Variants in WWP2 observed in about 807,000 individuals in gnomAD.
The protein encoded by WWP2 is WW domain containing E3 ubiquitin protein ligase 2.
In WWP2, 57 loss-of-function variants were observed where a neutral mutation model predicts 121.0. The ratio of observed to expected loss-of-function variants is 0.47; its 90% CI spans 0.38 to 0.59. The LOEUF (loss-of-function observed/expected upper bound fraction) is 0.59. Among genes scored for constraint, WWP2 ranks in the 20% least tolerant of loss-of-function variants. The pLI, the probability that WWP2 is intolerant of heterozygous loss-of-function variation, is 0.00. For missense variants in WWP2, 962 were observed against 1,158.9 expected (o/e 0.83, Z 2.47); for synonymous variants, 449 against 441.3 (o/e 1.02, Z -0.22).
chr16:69,938,296 G>C (rs1427472749), intron 21 of WWP2, among the ~76,000 whole-genome samples: 1 of 152,046 alleles, frequency 6.6e-6, no homozygotes, highest in South Asian at 2.1e-4. Flanking sequence ...TTACAGGCGT[G>C]AGCCACTGTG....
chr16:69,935,426 G>A lies in WWP2; in HGVS notation c.1843-427G>A, dbSNP rs1046445508. On this transcript the variant is annotated intron_variant, in intron 17 of 23. Transcript: ENST00000359154. This position sits in a 1 kb window ranked among gnomAD's most constrained non-coding sequence, Gnocchi z 5.2. ...TTGGCCGCCAGCTCTCGCTGTCGGC[G>A]GTGTCTGCATTATTTTTGGCTGCCT... 2.6e-5 allele frequency among the ~76,000 whole-genome samples: 4 copies of A among 152,224 alleles called. No homozygotes were observed. Among genetic ancestry groups the A allele is most frequent in the African/African-American group, 4.8e-5 (2 of 41,474 alleles).
In WWP2 at chr16:69,913,986, C is replaced by T. The variant is rs1393534094; in HGVS notation, c.1005-3723C>T. On this transcript the variant is annotated intron_variant, in intron 9 of 23. Coordinates refer to ENST00000359154, the MANE Select transcript of WWP2 (RefSeq NM_001270454.2). ...ACTCGCGAGGCTGAGGAAGGAGAAT[C>T]GCTTGAACCTGGGAGGCAGAGGTTG... Among the ~76,000 whole-genome samples, 5 of 140,864 alleles carry T rather than the reference C, an allele frequency of 3.5e-5. No individual in the cohort carries two copies. In the East Asian group the frequency reaches 9.3e-4, roughly 26 times the overall value. 92.4% of individuals were successfully genotyped at this position (140,864 alleles called of 152,430 possible).
At chr16:69,815,616 G>A (rs888276906) in intron 4 of WWP2, among the ~76,000 whole-genome samples, 3 of 151,648 alleles carry the variant, frequency 2.0e-5, no homozygotes, top group Admixed American at 6.6e-5. Flanking sequence ...TGAAACCCCC[G>A]TCTCTACTAA....
intron 4 of WWP2, among the ~76,000 whole-genome samples, chr16:69,803,356 G>A (rs1555547489): frequency 6.8e-6 from 1 of 147,170 alleles, no homozygotes; most frequent in Admixed American, 6.7e-5. Flanking sequence ...TTTTACTTTG[G>A]AACATTTACA....
At chr16:69,813,090 A>G (rs1462150433) in intron 4 of WWP2, among the ~76,000 whole-genome samples, 1 of 151,786 alleles carries the variant, frequency 6.6e-6, no homozygotes, top group Non-Finnish European at 1.5e-5. Flanking sequence ...GCGTGTGTGT[A>G]GGTATGTATT....
chr16:69,805,839 G>C (rs1319212004), intron 4 of WWP2, among the ~76,000 whole-genome samples: 1 of 145,498 alleles, frequency 6.9e-6, no homozygotes, highest in Middle Eastern at 3.2e-3. Flanking sequence ...TGTTGACTTT[G>C]TATCAAATAT....
At chr16:69,801,554 T>G (rs974982911) in intron 4 of WWP2, among the ~76,000 whole-genome samples, 5 of 151,252 alleles carry the variant, frequency 3.3e-5, no homozygotes, top group Non-Finnish European at 7.4e-5. Flanking sequence ...ATTTTTAGAT[T>G]GAGATGGGAT....
At position 69,935,058 on chromosome 16, in the gene WWP2, C is replaced by T. The variant is rs1013985636; in HGVS notation, c.1843-795C>T. ...GAATATGGAAAGGGAGGTCCTGCCA[C>T]GTGCCCCGTTGAGGGTCCTGGGAGC... On this transcript the variant is annotated intron_variant, in intron 17 of 23. Coordinates refer to ENST00000359154, the MANE Select transcript of WWP2 (RefSeq NM_001270454.2). This position sits in a 1 kb window ranked among gnomAD's most constrained non-coding sequence, Gnocchi z 5.2. Among the ~76,000 whole-genome samples the T allele has an allele frequency of 3.9e-5, 6 of 152,174 alleles. No individual in the cohort carries two copies. Among genetic ancestry groups the T allele is most frequent in the African/African-American group, 1.4e-4 (6 of 41,440 alleles).
At chr16:69,780,434 G>A (rs1024724593) in intron 1 of WWP2, among the ~76,000 whole-genome samples, 2 of 152,132 alleles carry the variant, frequency 1.3e-5, no homozygotes, top group African/African-American at 4.8e-5. Context: ...CTGCTATGAT[G>A]AACATCCTTG....
chr16:69,879,313 T>C (rs1456582786), intron 7 of WWP2, among the ~76,000 whole-genome samples: 4 of 152,122 alleles, frequency 2.6e-5, no homozygotes, highest in African/African-American at 7.2e-5. Context: ...ACCACCAGTG[T>C]CCATTTCCAG....
intron 6 of WWP2, among the ~76,000 whole-genome samples, chr16:69,863,125 C>T (rs1208722618): frequency 6.6e-6 from 1 of 152,140 alleles, no homozygotes; most frequent in Non-Finnish European, 1.5e-5. Flanking sequence ...TTGAATTTTG[C>T]CTGAATCACA....
chr16:69,891,607 G>A (rs1482678478), intron 8 of WWP2, among the ~76,000 whole-genome samples: 4 of 152,122 alleles, frequency 2.6e-5, no homozygotes, highest in Non-Finnish European at 4.4e-5. Context: ...AATGGTTCTT[G>A]CTACCAGACT....
At chr16:69,849,811 A>C (rs1260566075) in intron 6 of WWP2, among the ~76,000 whole-genome samples, 1 of 149,826 alleles carries the variant, frequency 6.7e-6, no homozygotes, top group Non-Finnish European at 1.5e-5. Flanking sequence ...CTGTCTCTTA[A>C]AAAAAAAATC....
intron 7 of WWP2, among the ~76,000 whole-genome samples, chr16:69,874,429 T>C (rs1381338961): frequency 6.6e-6 from 1 of 152,174 alleles, no homozygotes; most frequent in Non-Finnish European, 1.5e-5. Flanking sequence ...TTCCACAGAC[T>C]TGCGAGATTT....
At chr16:69,796,602 G>A (rs993556549) in intron 2 of WWP2, among the ~76,000 whole-genome samples, 9 of 152,282 alleles carry the variant, frequency 5.9e-5, no homozygotes, top group Admixed American at 3.9e-4. Context: ...TATCGCTTTC[G>A]CACCCCTGTA....
chr16:69,912,769 G>T (rs1217424689), intron 9 of WWP2, among the ~76,000 whole-genome samples: 2 of 150,228 alleles, frequency 1.3e-5, no homozygotes, highest in African/African-American at 2.4e-5. Context: ...ACACAGCTGG[G>T]CACGGTGGCT....
chr16:69,921,679 A>G (rs930484440), intron 10 of WWP2, among the ~76,000 whole-genome samples: 1 of 151,992 alleles, frequency 6.6e-6, no homozygotes, highest in Non-Finnish European at 1.5e-5. Flanking sequence ...TCCTGCTGGG[A>G]CCCACTGAAG....
intron 1 of WWP2, among the ~76,000 whole-genome samples, chr16:69,778,090 T>TATACAC (rs1192880134): frequency 9.2e-6 from 1 of 108,868 alleles, no homozygotes; most frequent in African/African-American, 3.1e-5. Context: ...TATATATATA[T>TATACAC]ACACACACAC....
chr16:69,782,446 C>T (rs961223871), intron 1 of WWP2, among the ~76,000 whole-genome samples: 4 of 152,074 alleles, frequency 2.6e-5, no homozygotes, highest in Admixed American at 2.6e-4. Context: ...ACTGGTATCC[C>T]CAGAGCTGAG....
Sources: gnomAD v4.1 joint callset for allele counts (sites outside exome capture counted in the v4.1 genomes callset) on GRCh38, gnomAD v4.1.1 for gene constraint, Gnocchi (gnomAD v3.1) non-coding constraint, MANE v1.5 for transcripts, NCBI Gene and HGNC (gene_info 2026-07-23, HGNC 2026-07-21) for gene names.